Variants in RANBP2 observed in about 807,000 individuals in gnomAD.
RANBP2 encodes RAN binding protein 2, also known as E3 SUMO-protein ligase RanBP2.
RANBP2 carries 57 observed loss-of-function variants against 303.6 expected under a neutral mutation model. That is an observed-to-expected ratio of 0.19 (90% CI 0.15 to 0.23). The LOEUF (loss-of-function observed/expected upper bound fraction) is 0.23. RANBP2 is among the 10% of genes least tolerant of loss of function. The pLI is 1.00. For synonymous variants in RANBP2, 1,167 were observed against 1,301.5 expected, an observed-to-expected ratio of 0.90 and a Z score of 2.23; for missense variants, 3,138 against 3,780.8, an observed-to-expected ratio of 0.83 and a Z score of 4.46.
chr2:109,715,341 C>T, the RANBP2 span, among the ~76,000 whole-genome samples: 180 of 152,224 alleles, frequency 1.2e-3, no homozygotes, highest in African/African-American at 4.2e-3. Context: ...CTCCTGGACT[C>T]AAGCAATCTG....
chr2:108,724,310 T>C (rs1399722099), intron 1 of RANBP2, among the ~76,000 whole-genome samples: 2 of 152,160 alleles, frequency 1.3e-5, no homozygotes, highest in Non-Finnish European at 2.9e-5. Flanking sequence ...TACAGGTGTG[T>C]GCCACCATGC....
the RANBP2 span, chr2:109,129,242 G>T: frequency 1.8e-6 from 1 of 571,288 alleles, no homozygotes; most frequent in East Asian, 4.2e-5. Flanking sequence ...CAGCACCCCC[G>T]GTCCCCCGCG....
At chr2:108,842,688 T>C in the RANBP2 span, among the ~76,000 whole-genome samples, 1 of 152,162 alleles carries the variant, frequency 6.6e-6, no homozygotes, top group Non-Finnish European at 1.5e-5. Flanking sequence ...AAGGCAGATA[T>C]CTGAATCAAA....
At chr2:109,063,818 A>C in the RANBP2 span, among the ~76,000 whole-genome samples, 2 of 152,144 alleles carry the variant, frequency 1.3e-5, no homozygotes, top group African/African-American at 4.8e-5. Flanking sequence ...AAAAACAAAA[A>C]AACAACGTAG....
intron 27 of RANBP2, 30 bp from the exon 28 acceptor site, chr2:108,782,498 G>C (rs1315662992): frequency 1.2e-6 from 2 of 1,613,342 alleles, no homozygotes; most frequent in South Asian, 2.2e-5. Context: ...TAATACTAAG[G>C]TCACTGCTTC....
chr2:109,690,168 GCCTCACGAGGTCCTGCTAT>G, the RANBP2 span, among the ~76,000 whole-genome samples: 4 of 152,192 alleles, frequency 2.6e-5, no homozygotes, highest in African/African-American at 9.7e-5. Flanking sequence ...CAGTGACACA[GCCTCACGAGGTCCTGCTAT>G]GTGCCCAAGG....
chr2:109,439,826 T>A, the RANBP2 span, among the ~76,000 whole-genome samples: 2,115 of 151,890 alleles, frequency 0.014, 52 homozygotes, highest in African/African-American at 0.048. Context: ...CCACCCCGGT[T>A]AGAGAGAATG....
chr2:109,489,782 G>A, the RANBP2 span, among the ~76,000 whole-genome samples: 1 of 152,016 alleles, frequency 6.6e-6, no homozygotes, highest in Admixed American at 6.5e-5. Flanking sequence ...CTGTCACCCA[G>A]GCTGGAGTGC....
chr2:109,633,015 G>A, the RANBP2 span, among the ~76,000 whole-genome samples: 2 of 152,160 alleles, frequency 1.3e-5, no homozygotes, highest in Non-Finnish European at 2.9e-5. Flanking sequence ...GGGGAACTAC[G>A]TTAGGCAGGG....
the RANBP2 span, among the ~76,000 whole-genome samples, chr2:109,002,408 G>T: frequency 6.6e-6 from 1 of 152,164 alleles, no homozygotes; most frequent in African/African-American, 2.4e-5. Flanking sequence ...CACTGCTTTG[G>T]CTTCTCCCAA....
chr2:108,858,065 C>G, the RANBP2 span, among the ~76,000 whole-genome samples: 17 of 152,256 alleles, frequency 1.1e-4, no homozygotes, highest in African/African-American at 3.9e-4. Flanking sequence ...CAAATTCAGC[C>G]AGGTGCAGTG....
At chr2:108,993,050 A>G in the RANBP2 span, among the ~76,000 whole-genome samples, 1 of 152,190 alleles carries the variant, frequency 6.6e-6, no homozygotes, top group Non-Finnish European at 1.5e-5. Flanking sequence ...CTCTCTTAGG[A>G]ACCACACCTT....
chr2:108,972,189 A>G, the RANBP2 span, among the ~76,000 whole-genome samples: 13 of 152,344 alleles, frequency 8.5e-5, no homozygotes, highest in African/African-American at 2.9e-4. Context: ...TACATTTGGG[A>G]GTCATTTATT....
the RANBP2 span, among the ~76,000 whole-genome samples, chr2:108,994,293 T>C: frequency 1.3e-5 from 2 of 152,204 alleles, no homozygotes; most frequent in Non-Finnish European, 2.9e-5. Context: ...GGCAAAGGCA[T>C]GCCCTCTCCC....
the RANBP2 span, among the ~76,000 whole-genome samples, chr2:108,933,204 G>A: frequency 2.0e-5 from 3 of 152,202 alleles, no homozygotes; most frequent in Non-Finnish European, 4.4e-5. Context: ...GGTCTGGAGC[G>A]ATGCCTGCTG....
the RANBP2 span, among the ~76,000 whole-genome samples, chr2:109,658,008 C>A: frequency 6.6e-6 from 1 of 151,876 alleles, no homozygotes; most frequent in African/African-American, 2.4e-5. Flanking sequence ...GCGTGAGCCA[C>A]CGTGCCGGGC....
chr2:109,570,035 A>AT, the RANBP2 span, among the ~76,000 whole-genome samples: 3 of 152,156 alleles, frequency 2.0e-5, no homozygotes, highest in Admixed American at 6.5e-5. Flanking sequence ...TACAAAAAAA[A>AT]AACCTGTGTA....
At chr2:108,858,746 T>C in the RANBP2 span, among the ~76,000 whole-genome samples, 108,220 of 151,664 alleles carry the variant, frequency 0.71, 41,684 homozygotes, top group East Asian at 0.9. Flanking sequence ...TGCAGGTGTG[T>C]TACATGGATT....
At chr2:109,657,714 GTTTTTTTTT>G in the RANBP2 span, among the ~76,000 whole-genome samples, 2 of 82,230 alleles carry the variant, frequency 2.4e-5, no homozygotes, top group East Asian at 4.6e-4. Flanking sequence ...AATTAGCTGA[GTTTTTTTTT>G]TTTTTTTTTT....
Sources: allele counts gnomAD v4.1 joint callset (sites outside exome capture counted in the v4.1 genomes callset), GRCh38; gene constraint gnomAD v4.1.1; transcripts MANE v1.5; gene names NCBI Gene and HGNC (gene_info 2026-07-23, HGNC 2026-07-21).